CDC23: variants seen among roughly 807,000 people sequenced by gnomAD.
CDC23 encodes the protein cell division cycle 23.
Under a neutral mutation model 81.7 loss-of-function variants are expected in CDC23, and 26 were observed. The observed-to-expected ratio is 0.32, with a 90% confidence interval of 0.23 to 0.44. The LOEUF is 0.44. Ranked by LOEUF, CDC23 falls within the 20% of genes least tolerant of loss-of-function variation. CDC23 has a pLI of 1.00. For synonymous variants in CDC23, 267 were observed against 270.8 expected, an observed-to-expected ratio of 0.99 and a Z score of 0.14; for missense variants, 519 against 728.0, an observed-to-expected ratio of 0.71 and a Z score of 3.30.
chr5:138,190,098 G>T (rs1754809653), intron 13 of CDC23, 192 bp from the exon 14 acceptor site: 1 of 592,052 alleles, frequency 1.7e-6, no homozygotes, highest in Non-Finnish European at 3.0e-6. Context: ...TCATTACTCT[G>T]CTAATGATGG....
intron 9 of CDC23, among the ~76,000 whole-genome samples, chr5:138,197,803 T>C (rs1022348059): frequency 1.3e-5 from 2 of 152,204 alleles, no homozygotes; most frequent in African/African-American, 4.8e-5. Context: ...CCCCTACACA[T>C]ACATTTTTAC....
At chr5:138,197,629 T>G (rs1367834196) in intron 9 of CDC23, among the ~76,000 whole-genome samples, 1 of 150,808 alleles carries the variant, frequency 6.6e-6, no homozygotes, top group Non-Finnish European at 1.5e-5. Context: ...CCCAAGCAGC[T>G]GGGACTACAG....
At position 138,192,605 on chromosome 5, in the gene CDC23, C is replaced by T. The variant is rs1227951443; in HGVS notation, c.1065G>A (p.Gln355=). 12 of 1,614,134 alleles carry T rather than the reference C, an allele frequency of 7.4e-6. No individual in the cohort carries two copies. The highest frequency in any genetic ancestry group is 1.0e-5 in the Non-Finnish European group (12 of 1,179,998). ...ACCGAGGATTTAATTTCAGGGCTCT[C>T]TGGAAATATAAGGCTGCTTTCTCAT... ...SQHEKAALYF[Q]RALKLNPRYL... The change falls in exon 10 of 16, where the codon CAG becomes CAA. Residue 355 remains glutamine, a synonymous_variant. Coordinates refer to ENST00000394886, the MANE Select transcript of CDC23 (RefSeq NM_004661.4).
chr5:138,201,918 T>C (rs1331763695), intron 4 of CDC23, among the ~76,000 whole-genome samples, 195 bp downstream of exon 4: 1 of 152,146 alleles, frequency 6.6e-6, no homozygotes, highest in African/African-American at 2.4e-5. Context: ...AAGAAAGCCA[T>C]CACAATACCA....
chr5:138,194,827 T>C (rs1376907339), intron 9 of CDC23, among the ~76,000 whole-genome samples: 1 of 151,118 alleles, frequency 6.6e-6, no homozygotes, highest in Non-Finnish European at 1.5e-5. Context: ...ATTCTAGCGA[T>C]TCTCCTGCCT....
intron 11 of CDC23, 21 bp downstream of exon 11, chr5:138,192,248 T>C (rs1002542095): frequency 1.9e-6 from 3 of 1,613,978 alleles, no homozygotes; most frequent in Non-Finnish European, 2.5e-6. Flanking sequence ...ATCAGACGCA[T>C]TGTCAAGTGA....
rs755749198 is a variant in CDC23 at position 138,191,851 on chromosome 5, A to G, written c.1362+11T>C. Reference sequence around the variant, plus strand: ...TTCCACTCAAATTCTTCAGGACCCAATTTAAGGTACCTTTTTGGCTTCCAC... The same window carrying G: ...TTCCACTCAAATTCTTCAGGACCCAGTTTAAGGTACCTTTTTGGCTTCCAC... On this transcript the variant is annotated intron_variant, in intron 12 of 15. Coordinates refer to ENST00000394886, the MANE Select transcript of CDC23 (RefSeq NM_004661.4). 1.9e-6 allele frequency: 3 copies of G among 1,609,304 alleles called. No homozygotes were observed. The highest frequency in any genetic ancestry group is 1.7e-4 in the Middle Eastern group (1 of 6,052).
intron 2 of CDC23, among the ~76,000 whole-genome samples, chr5:138,207,573 A>T (rs1228373668): frequency 6.6e-6 from 1 of 152,168 alleles, no homozygotes; most frequent in Non-Finnish European, 1.5e-5. Flanking sequence ...ACTTCAATAA[A>T]GTTTTGTCAT....
intron 9 of CDC23, among the ~76,000 whole-genome samples, chr5:138,194,089 A>G (rs1408746662): frequency 1.3e-5 from 2 of 152,210 alleles, no homozygotes; most frequent in African/African-American, 4.8e-5. Context: ...CATCTGTCTT[A>G]TATCAACTGG....
rs1244452422 is a variant in CDC23 at position 138,196,883 on chromosome 5, T to C, written c.1012+1316A>G. 6.3e-4 allele frequency among the ~76,000 whole-genome samples: 90 copies of C among 143,792 alleles called. 2 individuals carry two copies. The highest frequency in any genetic ancestry group is 2.3e-3 in the African/African-American group (83 of 35,968). 94.3% of individuals were successfully genotyped at this position (143,792 alleles called of 152,430 possible). Reference sequence around the variant, plus strand: ...GTGTGAGCCACCGCGCCTGGCCTTTTTTTTTCCTTTTTTTTTTTTTTTTTT... The same window carrying C: ...GTGTGAGCCACCGCGCCTGGCCTTTCTTTTTCCTTTTTTTTTTTTTTTTTT... On this transcript the variant is annotated intron_variant, in intron 9 of 15. Coordinates refer to ENST00000394886, the MANE Select transcript of CDC23 (RefSeq NM_004661.4).
intron 9 of CDC23, among the ~76,000 whole-genome samples, chr5:138,196,796 G>T (rs1754913448): frequency 2.0e-5 from 3 of 150,372 alleles, no homozygotes; most frequent in Non-Finnish European, 4.4e-5. Context: ...TAGCCAGGAT[G>T]GTCTCGATCT....
At chr5:138,190,010 T>C (rs1291873611) in intron 13 of CDC23, 104 bp from the exon 14 acceptor site, 1 of 869,882 alleles carries the variant, frequency 1.1e-6, no homozygotes, top group East Asian at 2.5e-5. Context: ...CATAGGTAAG[T>C]ATCAATTTTG....
intron 2 of CDC23, among the ~76,000 whole-genome samples, chr5:138,207,970 T>C (rs1755071487): frequency 1.3e-5 from 2 of 151,912 alleles, no homozygotes; most frequent in South Asian, 4.2e-4. Flanking sequence ...CCAAATTCTT[T>C]TTTTTTTTTG....
At chr5:138,190,757 A>T (rs1357113946) in intron 13 of CDC23, among the ~76,000 whole-genome samples, 1 of 152,056 alleles carries the variant, frequency 6.6e-6, no homozygotes, top group African/African-American at 2.4e-5. Context: ...AAAAGATAAC[A>T]AGTGGCCAGG....
chr5:138,202,297 T>C (rs763391355), intron 3 of CDC23, 142 bp from the exon 4 acceptor site: 4 of 618,414 alleles, frequency 6.5e-6, no homozygotes, highest in Non-Finnish European at 1.1e-5. Flanking sequence ...ATTTATTTAT[T>C]TGAGACAGTC....
chr5:138,195,618 TATAA>T (rs1754883857), intron 9 of CDC23, among the ~76,000 whole-genome samples: 2 of 117,816 alleles, frequency 1.7e-5, no homozygotes, highest in South Asian at 2.2e-4. Flanking sequence ...TATATTTATA[TATAA>T]ATATAAATAT....
Position 138,206,698 on chromosome 5 carries a change from A to G in CDC23, c.235-14T>C. ...CTGGGCATCTTCCTAAAAAAGAAAC[A>G]AGCTTATGTAAGTGGTTGGGAATAG... On this transcript the variant is annotated splice_polypyrimidine_tract_variant and intron_variant, in intron 2 of 15. Transcript: ENST00000394886. 6.2e-7 allele frequency: 1 copy of G among 1,605,308 alleles called. No individual in the cohort carries two copies. The highest frequency in any genetic ancestry group is 1.3e-5 in the African/African-American group (1 of 74,678).
chr5:138,206,607 A>G lies in CDC23; in HGVS notation c.312T>C (p.His104=). ...FDVKEYDRAA[H]FLHGCNSKKA... is the part of the protein sequence containing the mutation. ...TCTTGCTATTGCAGCCATGCAGGAAATGTGCTGCCCGATCATACTCTTTAA... is the reference window on the plus strand; with the variant it reads ...TCTTGCTATTGCAGCCATGCAGGAAGTGTGCTGCCCGATCATACTCTTTAA... Residue 104 remains histidine, a synonymous_variant, in exon 3 of 16, where the codon CAT becomes CAC. Transcript: ENST00000394886. The G allele has an allele frequency of 1.9e-6, 3 of 1,614,068 alleles. No homozygotes were observed. Among genetic ancestry groups the G allele is most frequent in the Admixed American group, 1.7e-5 (1 of 60,016 alleles).
At position 138,188,856 on chromosome 5, in the gene CDC23, A is replaced by C. The variant is rs777546163; in HGVS notation, c.*122T>G. On this transcript the variant is annotated 3_prime_UTR_variant, in exon 16 of 16. Coordinates refer to ENST00000394886, the MANE Select transcript of CDC23 (RefSeq NM_004661.4). Reference sequence around the variant, plus strand: ...GTAATTATACAAGCTGTCCCTATGGAGCTGTTGCCATCTGTAGAAACAAGA... The same window carrying C: ...GTAATTATACAAGCTGTCCCTATGGCGCTGTTGCCATCTGTAGAAACAAGA... The C allele has an allele frequency of 3.5e-6, 3 of 861,956 alleles. No homozygotes were observed. Among genetic ancestry groups the C allele is most frequent in the Non-Finnish European group, 5.3e-6 (3 of 570,502 alleles). 53.4% of individuals were successfully genotyped at this position (861,956 alleles called of 1,614,324 possible).
Sources: gnomAD v4.1 joint callset for allele counts (sites outside exome capture counted in the v4.1 genomes callset) on GRCh38, gnomAD v4.1.1 for gene constraint, MANE v1.5 for transcripts, NCBI Gene and HGNC (gene_info 2026-07-23, HGNC 2026-07-21) for gene names.